Variants in CCDC172 observed in about 807,000 individuals in gnomAD.
CCDC172 encodes the protein coiled-coil domain-containing protein 172.
In CCDC172, 30 loss-of-function variants were observed where a neutral mutation model predicts 38.0. The observed-to-expected ratio is 0.79, with a 90% CI of 0.59 to 1.07. The LOEUF is 1.07. Among genes scored for constraint, CCDC172 ranks in the 50% least tolerant of loss-of-function variants. The probability of loss-of-function intolerance (pLI) is 0.00; values close to 1 mark genes in which losing one functional copy is unlikely to be tolerated. For missense variants in CCDC172, 297 were observed against 290.1 expected (o/e 1.02, Z -0.17); for synonymous variants, 78 against 88.3 (o/e 0.88, Z 0.66).
intron 3 of CCDC172, among the ~76,000 whole-genome samples, chr10:116,329,762 G>A (rs1306563505): frequency 1.3e-5 from 2 of 152,104 alleles, no homozygotes; most frequent in African/African-American, 4.8e-5. Context: ...ACAAATCGAG[G>A]TGGTGGCACC....
chr10:116,357,074 T>C (rs937038267), intron 5 of CCDC172, among the ~76,000 whole-genome samples: 6 of 152,172 alleles, frequency 3.9e-5, no homozygotes, highest in South Asian at 2.1e-4. Context: ...ATAGATTTTT[T>C]GCATTTGTTT....
At chr10:116,370,779 C>G (rs918500213) in intron 7 of CCDC172, among the ~76,000 whole-genome samples, 4 of 151,394 alleles carry the variant, frequency 2.6e-5, no homozygotes, top group Non-Finnish European at 5.9e-5. Context: ...GTATTTTTAT[C>G]AGGATCATAT....
At chr10:116,342,728 A>G (rs746140369) in intron 5 of CCDC172, among the ~76,000 whole-genome samples, 12 of 152,146 alleles carry the variant, frequency 7.9e-5, no homozygotes, top group Non-Finnish European at 1.6e-4. Flanking sequence ...TGATTGGCTC[A>G]TGGGGGCAGG....
intron 7 of CCDC172, among the ~76,000 whole-genome samples, chr10:116,373,336 T>C (rs7072869): frequency 0.12 from 17,638 of 152,088 alleles, 1,570 homozygotes; most frequent in African/African-American, 0.25. Flanking sequence ...TTTTTCACTT[T>C]TAATTAATGT....
At chr10:116,367,130 C>G (rs1433491979) in intron 7 of CCDC172, among the ~76,000 whole-genome samples, 1 of 152,022 alleles carries the variant, frequency 6.6e-6, no homozygotes, top group Non-Finnish European at 1.5e-5. Flanking sequence ...TTAGGCTGTT[C>G]TAGTTGAAGA....
At chr10:116,347,102 A>G (rs1844877129) in intron 5 of CCDC172, among the ~76,000 whole-genome samples, 1 of 132,232 alleles carries the variant, frequency 7.6e-6, no homozygotes. Flanking sequence ...TTAAGTCAAG[A>G]GCTCAGAGAT....
At chr10:116,353,066 G>T (rs191275643) in intron 5 of CCDC172, among the ~76,000 whole-genome samples, 3 of 151,940 alleles carry the variant, frequency 2.0e-5, no homozygotes, top group Admixed American at 2.0e-4. Flanking sequence ...GGTGGTGGGC[G>T]CCTGTAGTCC....
At chr10:116,371,790 A>T (rs1845188239) in intron 7 of CCDC172, among the ~76,000 whole-genome samples, 1 of 152,134 alleles carries the variant, frequency 6.6e-6, no homozygotes, top group African/African-American at 2.4e-5. Flanking sequence ...AGAAATGGAA[A>T]TGAAAAGCAC....
intron 5 of CCDC172, among the ~76,000 whole-genome samples, chr10:116,345,788 C>T (rs1233433302): frequency 6.6e-6 from 1 of 152,164 alleles, no homozygotes; most frequent in East Asian, 1.9e-4. Context: ...GTTAAAAAGA[C>T]TGACCATACC....
chr10:116,358,000 A>T, intron 7 of CCDC172, 62 bp downstream of exon 7: 1 of 844,514 alleles, frequency 1.2e-6, no homozygotes, highest in Non-Finnish European at 1.9e-6. Context: ...AATAGATTTC[A>T]GTATAAAGCT....
rs529887372 is a variant in CCDC172, at chr10:116,343,247, C to A, written c.448+1046C>A. Among the ~76,000 whole-genome samples the A allele has an allele frequency of 9.2e-5, 14 of 152,228 alleles. No homozygotes were observed. The South Asian group carries it at 2.9e-3, about 32-fold the overall frequency. ...TTATGTAACTCCTTGAGTACATGTCCTCTTGATCTGAAGACCTCAGCCAAA... is the reference window on the plus strand; with the variant it reads ...TTATGTAACTCCTTGAGTACATGTCATCTTGATCTGAAGACCTCAGCCAAA... On this transcript the variant is annotated intron_variant, in intron 5 of 8. Coordinates refer to ENST00000333254, the MANE Select transcript of CCDC172 (RefSeq NM_198515.3).
At chr10:116,330,615 C>T (rs1209070684) in intron 3 of CCDC172, among the ~76,000 whole-genome samples, 1 of 152,186 alleles carries the variant, frequency 6.6e-6, no homozygotes, top group Non-Finnish European at 1.5e-5. Context: ...AGAATATGCA[C>T]AATCATTTCC....
chr10:116,329,051 C>A (rs915202152), intron 3 of CCDC172, among the ~76,000 whole-genome samples: 1 of 152,150 alleles, frequency 6.6e-6, no homozygotes, highest in Admixed American at 6.6e-5. Context: ...TTATATAACA[C>A]CTTCCTTCCT....
intron 7 of CCDC172, among the ~76,000 whole-genome samples, chr10:116,378,053 C>T (rs540824083): frequency 1.1e-4 from 17 of 152,036 alleles, no homozygotes; most frequent in African/African-American, 3.1e-4. Flanking sequence ...TGGTGGCAGC[C>T]GCCTGTAATC....
chr10:116,378,554 AC>A (rs1845277226), intron 8 of CCDC172, 44 bp downstream of exon 8: 1 of 1,489,152 alleles, frequency 6.7e-7, no homozygotes, highest in Admixed American at 1.8e-5. Flanking sequence ...GCATTATTTT[AC>A]CTACTGGTAA....
rs563886307 is a variant in CCDC172, at chr10:116,366,479, G to T, written c.653+8541G>T. Among the ~76,000 whole-genome samples the T allele has an allele frequency of 2.0e-5, 3 of 152,188 alleles. No individual in the cohort carries two copies. The East Asian group carries it at 5.8e-4, about 29-fold the overall frequency. ...ATTGGTTATTTGTATTTGTTTTTGA[G>T]TTCTGTAAAAATTATATTATACTAT... is the stretch of plus-strand genomic sequence containing the variant. On this transcript the variant is annotated intron_variant, in intron 7 of 8. Coordinates refer to ENST00000333254, the MANE Select transcript of CCDC172 (RefSeq NM_198515.3).
intron 5 of CCDC172, among the ~76,000 whole-genome samples, chr10:116,343,515 GTTT>G (rs61102916): frequency 0.063 from 8,343 of 133,072 alleles, 732 homozygotes; most frequent in African/African-American, 0.21. Flanking sequence ...CTGATCATTC[GTTT>G]TTTTTTTTTT....
chr10:116,371,116 C>T (rs534244921), intron 7 of CCDC172, among the ~76,000 whole-genome samples: 2 of 151,884 alleles, frequency 1.3e-5, no homozygotes, highest in East Asian at 3.9e-4. Flanking sequence ...CATCCTTATT[C>T]CTGACCTTAA....
At chr10:116,368,273 C>T (rs1304889780) in intron 7 of CCDC172, among the ~76,000 whole-genome samples, 1 of 152,122 alleles carries the variant, frequency 6.6e-6, no homozygotes, top group African/African-American at 2.4e-5. Context: ...ACCCTTCTCT[C>T]AACCATTTAT....
Sources: allele counts gnomAD v4.1 joint callset (sites outside exome capture counted in the v4.1 genomes callset), GRCh38; gene constraint gnomAD v4.1.1; transcripts MANE v1.5; gene names NCBI Gene and HGNC (gene_info 2026-07-23, HGNC 2026-07-21).